ARHGAP32: variants seen among roughly 807,000 people sequenced by gnomAD.
ARHGAP32 encodes Rho GTPase activating protein 32.
ARHGAP32 carries 51 observed loss-of-function variants against 186.5 expected under a neutral mutation model. The ratio of observed to expected loss-of-function variants is 0.27; its 90% CI spans 0.22 to 0.35. ARHGAP32 has a LOEUF of 0.35. Among genes scored for constraint, ARHGAP32 ranks in the 10% least tolerant of loss-of-function variants. The probability of loss-of-function intolerance (pLI) is 1.00; values close to 1 mark genes in which losing one functional copy is unlikely to be tolerated. For synonymous variants in ARHGAP32, 950 were observed against 964.3 expected, an observed-to-expected ratio of 0.99 and a Z score of 0.27; for missense variants, 2,186 against 2,623.5, an observed-to-expected ratio of 0.83 and a Z score of 3.64.
chr11:129,272,906 C>T (rs559430914), intron 1 of ARHGAP32, among the ~76,000 whole-genome samples: 1 of 152,312 alleles, frequency 6.6e-6, no homozygotes, highest in Non-Finnish European at 1.5e-5. Flanking sequence ...TTCCTTCCAT[C>T]TACTAAATCA....
intron 11 of ARHGAP32, among the ~76,000 whole-genome samples, chr11:128,998,822 T>C (rs527978036): frequency 7.2e-5 from 11 of 152,332 alleles, no homozygotes; most frequent in African/African-American, 2.4e-4. Flanking sequence ...TGAACGTAAA[T>C]TGTGAAGATT....
At chr11:128,994,487 G>T (rs1164812642) in intron 12 of ARHGAP32, among the ~76,000 whole-genome samples, 1 of 151,898 alleles carries the variant, frequency 6.6e-6, no homozygotes, top group Non-Finnish European at 1.5e-5. Flanking sequence ...ATCTAAGCAA[G>T]GTTTAACATG....
chr11:129,279,627 G>A (rs1241011751), upstream of ARHGAP32, among the ~76,000 whole-genome samples: 1 of 145,900 alleles, frequency 6.9e-6, no homozygotes, highest in Non-Finnish European at 1.5e-5. Flanking sequence ...GCAGCGGGGA[G>A]AAGAGGCGCG....
intron 1 of ARHGAP32, among the ~76,000 whole-genome samples, chr11:129,184,099 C>A (rs1944108175): frequency 6.6e-6 from 1 of 152,048 alleles, no homozygotes; most frequent in African/African-American, 2.4e-5. Flanking sequence ...AAAGGCTATA[C>A]CCCACCCCTT....
chr11:129,250,631 A>C (rs1945169032), intron 1 of ARHGAP32, among the ~76,000 whole-genome samples: 2 of 152,176 alleles, frequency 1.3e-5, no homozygotes, highest in Admixed American at 6.5e-5. Context: ...TCCTCCTACC[A>C]TCCAAAGTGA....
chr11:129,132,286 C>T (rs1053896356), intron 2 of ARHGAP32, among the ~76,000 whole-genome samples: 11 of 152,140 alleles, frequency 7.2e-5, no homozygotes, highest in African/African-American at 2.7e-4. Context: ...TGAGGCCAGC[C>T]TGGGCAACAG....
chr11:129,193,557 T>TATA (rs1944317337), upstream of ARHGAP32, among the ~76,000 whole-genome samples: 1 of 14,418 alleles, frequency 6.9e-5, no homozygotes, highest in Non-Finnish European at 1.2e-4. Flanking sequence ...ATAATATATA[T>TATA]ATATTATATA....
intron 11 of ARHGAP32, among the ~76,000 whole-genome samples, chr11:129,017,627 C>CT (rs1938416524): frequency 6.6e-6 from 1 of 152,092 alleles, no homozygotes; most frequent in African/African-American, 2.4e-5. Context: ...TTGCTGAACT[C>CT]TGTTATTATT....
Position 128,967,923 on chromosome 11 carries a change from G to GTT in ARHGAP32, c.*983_*984insAA, listed in dbSNP as rs1565341977. 7.5e-6 allele frequency: 1 copy of GTT among 132,838 alleles called. No homozygotes were observed. Among genetic ancestry groups the GTT allele is most frequent in the African/African-American group, 3.0e-5 (1 of 33,440 alleles). The allele number at this position is 132,838 out of a possible 1,614,324, so 8.2% of individuals were successfully genotyped here. The stretch of plus-strand genomic sequence containing the variant: ...TGTCTATCCAGTCAAACCATGCTGG[G>GTT]CTTTTTTTTTTTTTTTTTTTTTTAA... On this transcript the variant is annotated 3_prime_UTR_variant, in exon 23 of 23. Coordinates refer to ENST00000682385, the MANE Select transcript of ARHGAP32 (RefSeq NM_001378024.1).
intron 12 of ARHGAP32, among the ~76,000 whole-genome samples, chr11:128,991,861 G>A (rs1331557634): frequency 6.6e-6 from 1 of 152,124 alleles, no homozygotes; most frequent in East Asian, 1.9e-4. Context: ...GACAAGAATT[G>A]ATCTTTGATT....
intron 1 of ARHGAP32, among the ~76,000 whole-genome samples, chr11:129,238,182 G>C (rs567561622): frequency 1.3e-5 from 2 of 152,266 alleles, no homozygotes; most frequent in East Asian, 3.9e-4. Flanking sequence ...CCATCCTAGA[G>C]ACCAAATATC....
intron 6 of ARHGAP32, among the ~76,000 whole-genome samples, chr11:129,068,813 G>A (rs1940781297): frequency 6.6e-6 from 1 of 151,952 alleles, no homozygotes; most frequent in African/African-American, 2.4e-5. Context: ...TAATTGACAT[G>A]TATTGTAAAA....
chr11:129,154,662 A>G (rs549283287), intron 2 of ARHGAP32, among the ~76,000 whole-genome samples: 7 of 152,310 alleles, frequency 4.6e-5, no homozygotes, highest in East Asian at 1.9e-4. Flanking sequence ...GTTCTTACTT[A>G]TAAGTGGGAG....
chr11:129,043,243 T>G (rs1939667170), intron 10 of ARHGAP32, among the ~76,000 whole-genome samples: 1 of 152,228 alleles, frequency 6.6e-6, no homozygotes, highest in Admixed American at 6.5e-5. Flanking sequence ...TAGCTGGAAA[T>G]TAAATGTTCA....
intron 6 of ARHGAP32, among the ~76,000 whole-genome samples, chr11:129,074,655 G>A (rs1380464897): frequency 1.3e-5 from 2 of 151,860 alleles, no homozygotes; most frequent in African/African-American, 2.4e-5. Context: ...CACCATGCCT[G>A]GCTAATTTTT....
chr11:128,984,393 G>A (rs1945802613), intron 15 of ARHGAP32, among the ~76,000 whole-genome samples: 1 of 151,172 alleles, frequency 6.6e-6, no homozygotes. Flanking sequence ...AAAGGAAATA[G>A]AAAACACCCC....
At chr11:129,224,768 C>CAAAAAAAAAAAAAAAAAAA (rs57944399) in intron 1 of ARHGAP32, among the ~76,000 whole-genome samples, 1 of 104,300 alleles carries the variant, frequency 9.6e-6, no homozygotes, top group African/African-American at 3.8e-5. Context: ...TTGGCTAGAG[C>CAAAAAAAAAAAAAAAAAAA]AAAAAAAAAA....
intron 1 of ARHGAP32, among the ~76,000 whole-genome samples, chr11:129,173,211 A>G (rs1013384440): frequency 2.0e-5 from 3 of 152,108 alleles, no homozygotes; most frequent in Non-Finnish European, 4.4e-5. Context: ...AAAATCTAGA[A>G]GAAATGGATA....
intron 1 of ARHGAP32, among the ~76,000 whole-genome samples, chr11:129,178,364 T>C (rs1270338110): frequency 1.3e-5 from 2 of 150,984 alleles, no homozygotes; most frequent in African/African-American, 4.8e-5. Flanking sequence ...ATGGCCATAC[T>C]GCCCAAGGTA....
Sources: allele counts gnomAD v4.1 joint callset (sites outside exome capture counted in the v4.1 genomes callset), GRCh38; gene constraint gnomAD v4.1.1; transcripts MANE v1.5; gene names NCBI Gene and HGNC (gene_info 2026-07-23, HGNC 2026-07-21).